The following CCBE1 variants were observed in gnomAD, a reference collection of about 807,000 sequenced individuals.
The protein encoded by CCBE1 is collagen and calcium binding EGF domains 1, also known as collagen and calcium-binding EGF domain-containing protein 1.
Under a neutral mutation model 50.0 loss-of-function variants are expected in CCBE1, and 37 were observed. The observed-to-expected ratio is 0.74, with a 90% CI of 0.57 to 0.97. The LOEUF is 0.97. Among genes scored for constraint, CCBE1 ranks in the 50% least tolerant of loss-of-function variants. The pLI is 0.00. For synonymous variants in CCBE1, 234 were observed against 203.7 expected (o/e 1.15, Z -1.27); for missense variants, 538 against 523.8 (o/e 1.03, Z -0.26).
At chr18:59,482,290 A>G (rs953282406) in intron 2 of CCBE1, among the ~76,000 whole-genome samples, 1 of 152,204 alleles carries the variant, frequency 6.6e-6, no homozygotes, top group African/African-American at 2.4e-5. Flanking sequence ...AAAAGTCAGG[A>G]AACAACAGAT....
intron 2 of CCBE1, among the ~76,000 whole-genome samples, chr18:59,621,260 C>T (rs1445242846): frequency 6.6e-6 from 1 of 152,220 alleles, no homozygotes; most frequent in Non-Finnish European, 1.5e-5. Flanking sequence ...GTTCCTGCAG[C>T]TGTGTTTCAT....
chr18:59,556,371 ACTC>A (rs2052657518), intron 2 of CCBE1, among the ~76,000 whole-genome samples: 1 of 151,980 alleles, frequency 6.6e-6, no homozygotes, highest in Non-Finnish European at 1.5e-5. Context: ...TGCGAGGAGG[ACTC>A]CAATCAGCAG....
At chr18:59,581,184 G>A (rs2053079028) in intron 2 of CCBE1, among the ~76,000 whole-genome samples, 3 of 152,196 alleles carry the variant, frequency 2.0e-5, no homozygotes, top group South Asian at 2.1e-4. Flanking sequence ...CGGCTCTCTT[G>A]AAAAGAAAAG....
At chr18:59,651,704 A>G (rs1172739033) in intron 2 of CCBE1, among the ~76,000 whole-genome samples, 1 of 152,228 alleles carries the variant, frequency 6.6e-6, no homozygotes, top group African/African-American at 2.4e-5. Context: ...CTACAAATAA[A>G]GTAGAACTAG....
intron 2 of CCBE1, among the ~76,000 whole-genome samples, chr18:59,553,667 A>C (rs1916009286): frequency 6.6e-6 from 1 of 152,302 alleles, no homozygotes; most frequent in East Asian, 1.9e-4. Flanking sequence ...GGAAACATAC[A>C]CTTTAGGTGC....
chr18:59,568,171 A>ATTTTTT (rs765573162), intron 2 of CCBE1: 1 of 146,764 alleles, frequency 6.8e-6, no homozygotes, highest in Non-Finnish European at 1.5e-5. Flanking sequence ...TAAGAGGCCT[A>ATTTTTT]TTTTTTTTTT....
chr18:59,447,360 T>C (rs1910723721), intron 7 of CCBE1, among the ~76,000 whole-genome samples: 1 of 152,140 alleles, frequency 6.6e-6, no homozygotes, highest in Admixed American at 6.5e-5. Flanking sequence ...AAGGGAAATT[T>C]CTGGGGTGAT....
chr18:59,598,794 G>C (rs2053390956), intron 2 of CCBE1, among the ~76,000 whole-genome samples: 1 of 152,130 alleles, frequency 6.6e-6, no homozygotes, highest in Non-Finnish European at 1.5e-5. Flanking sequence ...TCAATTCCAT[G>C]ATCTTTTTGA....
At chr18:59,476,432 G>A (rs1912310439) in intron 3 of CCBE1, among the ~76,000 whole-genome samples, 1 of 152,144 alleles carries the variant, frequency 6.6e-6, no homozygotes, top group South Asian at 2.1e-4. Context: ...GGCCAATCAA[G>A]ACATCACTTC....
In CCBE1 at chr18:59,589,945, T is replaced by C. The variant is rs79156475; in HGVS notation, c.212+106684A>G. On this transcript the variant is annotated intron_variant, in intron 2 of 10. Transcript: ENST00000439986. ...AAAGAGAACCATAAGATTATTTCCA[T>C]AGTGCTAAGAAAAAGCTTCTGACAA... Among the ~76,000 whole-genome samples, 1,456 of 152,262 alleles carry C rather than the reference T, an allele frequency of 9.6e-3. 14 individuals carry two copies. Among genetic ancestry groups the C allele is most frequent in the African/African-American group, 0.031 (1,292 of 41,538 alleles).
At chr18:59,608,139 TA>T (rs1315057926) in intron 2 of CCBE1, among the ~76,000 whole-genome samples, 5 of 152,068 alleles carry the variant, frequency 3.3e-5, no homozygotes. Context: ...TAATAATAAA[TA>T]AATACAAATG....
chr18:59,592,960 A>G (rs979607669), intron 2 of CCBE1, among the ~76,000 whole-genome samples: 2 of 152,236 alleles, frequency 1.3e-5, no homozygotes, highest in Non-Finnish European at 2.9e-5. Context: ...TTTAAAAAGC[A>G]TTTTGAATTA....
chr18:59,560,183 C>T (rs1033960346), intron 2 of CCBE1, among the ~76,000 whole-genome samples: 4 of 152,126 alleles, frequency 2.6e-5, no homozygotes, highest in Admixed American at 2.6e-4. Context: ...CCAGGGATGC[C>T]CATTTGAAGT....
chr18:59,681,769 G>A (rs1445646327), intron 2 of CCBE1, among the ~76,000 whole-genome samples: 1 of 152,224 alleles, frequency 6.6e-6, no homozygotes, highest in African/African-American at 2.4e-5. Flanking sequence ...AGCCATTCAA[G>A]AGATTAAATC....
chr18:59,696,701 C>A lies in CCBE1; in HGVS notation c.140G>T (p.Cys47Phe), dbSNP rs774528504. 6.2e-7 allele frequency: 1 copy of A among 1,613,830 alleles called. No homozygotes were observed. Among genetic ancestry groups the A allele is most frequent in the South Asian group, 1.1e-5 (1 of 91,084 alleles). The change falls in exon 2 of 11, where the codon TGC becomes TTC. Residue 47 changes from cysteine to phenylalanine, a missense_variant. Coordinates refer to ENST00000439986, the MANE Select transcript of CCBE1 (RefSeq NM_133459.4). ...EEPEDGDREI[C>F]SESKIATTKY... The stretch of plus-strand genomic sequence containing the variant: ...AGTCGTCGCGATTTTGCTCTCTGAG[C>A]AGATTTCTCTATGAAAAAGTGCAGA...
intron 2 of CCBE1, among the ~76,000 whole-genome samples, chr18:59,528,828 G>C (rs1401800777): frequency 1.3e-5 from 2 of 152,200 alleles, no homozygotes. Context: ...ATGGCTGCTT[G>C]CTCCTTCCTC....
chr18:59,663,749 A>C (rs2054316622), intron 2 of CCBE1, among the ~76,000 whole-genome samples: 1 of 152,134 alleles, frequency 6.6e-6, no homozygotes, highest in African/African-American at 2.4e-5. Flanking sequence ...GTAGGGATGT[A>C]CAGGAGTTCC....
At position 59,431,923 on chromosome 18, in the gene CCBE1, G is replaced by A. The variant is rs1909959004; in HGVS notation, c.*3985C>T. 1 of 152,166 alleles carries A rather than the reference G, an allele frequency of 6.6e-6. No individual in the cohort carries two copies. Among genetic ancestry groups the A allele is most frequent in the Non-Finnish European group, 1.5e-5 (1 of 68,102 alleles). The allele number at this position is 152,166 out of a possible 1,614,324, so 9.4% of individuals were successfully genotyped here. A position where few individuals can be genotyped will look rare whatever the true frequency, so the allele number is the denominator to read the frequency against. Reference sequence around the variant, plus strand: ...TCCCTCTGGAACTGGGAAGGGAGGGGGGTTTCCTAAACTAAAATGCATGCC... The same window carrying A: ...TCCCTCTGGAACTGGGAAGGGAGGGAGGTTTCCTAAACTAAAATGCATGCC... On this transcript the variant is annotated 3_prime_UTR_variant, in exon 11 of 11. Transcript: ENST00000439986.
At chr18:59,457,803 G>A (rs1202142089) in intron 5 of CCBE1, among the ~76,000 whole-genome samples, 3 of 152,194 alleles carry the variant, frequency 2.0e-5, no homozygotes, top group African/African-American at 4.8e-5. Context: ...CCTGTTCAAT[G>A]TACCAATTTA....
Sources: allele counts gnomAD v4.1 joint callset (sites outside exome capture counted in the v4.1 genomes callset), GRCh38; gene constraint gnomAD v4.1.1; transcripts MANE v1.5; gene names NCBI Gene and HGNC (gene_info 2026-07-23, HGNC 2026-07-21).